Variants in PLEKHG4 observed in about 807,000 individuals in gnomAD.
PLEKHG4 encodes the protein pleckstrin homology and RhoGEF domain containing G4.
PLEKHG4 carries 85 observed loss-of-function variants against 136.9 expected under a neutral mutation model. The observed-to-expected ratio is 0.62, with a 90% confidence interval of 0.52 to 0.74. The LOEUF is 0.74. PLEKHG4 is among the 30% of genes least tolerant of loss of function. The probability of loss-of-function intolerance (pLI) is 0.00; values close to 1 mark genes in which losing one functional copy is unlikely to be tolerated. For missense variants in PLEKHG4, 1,317 were observed against 1,527.8 expected, an observed-to-expected ratio of 0.86 and a Z score of 2.30; for synonymous variants, 577 against 646.9, an observed-to-expected ratio of 0.89 and a Z score of 1.64.
Position 67,286,579 on chromosome 16 carries a change from T to C in PLEKHG4, c.2667T>C (p.Ser889=). 1 of 1,560,778 alleles carries C rather than the reference T, an allele frequency of 6.4e-7. No homozygotes were observed. Among genetic ancestry groups the C allele is most frequent in the Non-Finnish European group, 8.7e-7 (1 of 1,151,734 alleles). The change falls in exon 16 of 22, where the codon AGT becomes AGC. Residue 889 remains serine (S), a synonymous_variant. Transcript: ENST00000379344. The stretch of plus-strand genomic sequence containing the variant: ...GCGGGGGCCCCACGCAGGAGCTCAG[T>C]GCGCTGCGGGAGGCCCAGAGCCTTG... ...RACGGPTQEL[S]ALREAQSLVH... is the part of the protein sequence containing the mutation.
At chr16:67,279,295 G>T (rs1021041768), upstream of PLEKHG4, 6 of 152,144 alleles carry the variant, frequency 3.9e-5, no homozygotes, top group African/African-American at 1.5e-4. Flanking sequence ...CGCGGTCTGC[G>T]GGGCCCGGGG....
rs767930571 is a variant in PLEKHG4, at chr16:67,280,725, G to C, written c.514G>C (p.Gly172Arg). The change falls in exon 3 of 22, where the codon GGC becomes CGC. Residue 172 changes from glycine to arginine, a missense_variant. Transcript: ENST00000379344. This position sits in a 1 kb window ranked among gnomAD's most constrained non-coding sequence, Gnocchi z 4.4. ...KLLEAAPSGS[G>R]LPKPADCLLA... The stretch of plus-strand genomic sequence containing the variant: ...CCCTTCCCAAGCCCCCAGTGGATCC[G>C]GCCTCCCTAAGCCTGCTGACTGCCT... 1.7e-5 allele frequency: 27 copies of C among 1,613,976 alleles called. No individual in the cohort carries two copies. The highest frequency in any genetic ancestry group is 2.1e-5 in the Non-Finnish European group (25 of 1,180,032).
rs139116976 is a variant in PLEKHG4 at position 67,285,165 on chromosome 16, A to C, written c.2145A>C (p.Ala715=). 6.2e-7 allele frequency: 1 copy of C among 1,613,504 alleles called. No individual in the cohort carries two copies. Among genetic ancestry groups the C allele is most frequent in the Admixed American group, 1.7e-5 (1 of 60,028 alleles). The change falls in exon 13 of 22, where the codon GCA becomes GCC. Residue 715 remains alanine (A), a synonymous_variant. Transcript: ENST00000379344. Reference sequence around the variant, plus strand: ...CTGGAGGAGGTGCCCTGCCCCAGGCATCCCCTACTGTGCCTCCACCAGGCA... The same window carrying C: ...CTGGAGGAGGTGCCCTGCCCCAGGCCTCCCCTACTGTGCCTCCACCAGGCA... The part of the protein sequence containing the change: ...PEAGGGALPQ[A]SPTVPPPGSS...
chr16:67,288,649 A>T (rs766866105), intron 21 of PLEKHG4, 45 bp downstream of exon 21: 1 of 1,611,454 alleles, frequency 6.2e-7, no homozygotes, highest in South Asian at 1.1e-5. Context: ...CCCCAGCCCA[A>T]GCTGAGCCTG....
In PLEKHG4 at chr16:67,284,114, A is replaced by G. The variant is rs966823078; in HGVS notation, c.1510-161A>G. On this transcript the variant is annotated intron_variant, in intron 11 of 21. Coordinates refer to ENST00000379344, the MANE Select transcript of PLEKHG4 (RefSeq NM_001129729.3). The surrounding 1 kb of genome is among the most constrained non-coding windows in gnomAD (Gnocchi z 4.4). ...ATTCCTCTAGGAACTTTGGCTGTGG[A>G]GAAGGGGAGTGGATGTGGGTGGGGA... 2.0e-5 allele frequency among the ~76,000 whole-genome samples: 3 copies of G among 152,016 alleles called. No individual in the cohort carries two copies. Among genetic ancestry groups the G allele is most frequent in the Non-Finnish European group, 4.4e-5 (3 of 67,986 alleles).
chr16:67,282,629 C>A lies in PLEKHG4; in HGVS notation c.1380C>A (p.Ser460Arg). Residue 460 changes from serine to arginine, a missense_variant, in exon 10 of 22, where the codon AGC becomes AGA. By Grantham distance (110) the Ser-to-Arg change is moderately radical. Transcript: ENST00000379344. ...ELVQTLEARE[S>R]GLHQIEVWLQ... ...TCCAAACACTGGAGGCCCGGGAAAG[C>A]GGACTGCACCAGGTCGGAACTACTT... The A allele has an allele frequency of 6.2e-7, 1 of 1,613,894 alleles. No individual in the cohort carries two copies. The highest frequency in any genetic ancestry group is 1.1e-5 in the South Asian group (1 of 91,090).
At chr16:67,281,680 T>C in intron 6 of PLEKHG4, 36 bp downstream of exon 6, 2 of 1,609,916 alleles carry the variant, frequency 1.2e-6, no homozygotes, top group South Asian at 1.1e-5. Context: ...AGAGGTGGGG[T>C]GCCTCCCCCC....
At position 67,288,880 on chromosome 16, in the gene PLEKHG4, T is replaced by C; in HGVS notation, c.*72T>C. On this transcript the variant is annotated 3_prime_UTR_variant, in exon 22 of 22. Transcript: ENST00000379344. ...GAACATTGCCTCTCTGGATCTGCTG[T>C]GACCAGGGTGTGGCTGACACCTGGG... The C allele has an allele frequency of 6.4e-7, 1 of 1,558,706 alleles. No individual in the cohort carries two copies. The highest frequency in any genetic ancestry group is 8.8e-7 in the Non-Finnish European group (1 of 1,138,154).
At position 67,280,985 on chromosome 16, in the gene PLEKHG4, G is replaced by A. The variant is rs1440694910; in HGVS notation, c.699G>A (p.Leu233=). ...GCCAGGAACTCATCCGCCTCCTGCT[G>A]TACCTGCGAAGCATCCCCAGGTTTG... ...CSSQELIRLL[L]YLRSIPRPEV... The change falls in exon 4 of 22, where the codon CTG becomes CTA. Residue 233 remains leucine, a synonymous_variant. Transcript: ENST00000379344. The surrounding 1 kb of genome is among the most constrained non-coding windows in gnomAD (Gnocchi z 4.4). 7.4e-6 allele frequency: 12 copies of A among 1,613,840 alleles called. No homozygotes were observed. Among genetic ancestry groups the A allele is most frequent in the Non-Finnish European group, 1.0e-5 (12 of 1,179,924 alleles).
In PLEKHG4 at chr16:67,288,835, C is replaced by G; in HGVS notation, c.*27C>G. On this transcript the variant is annotated 3_prime_UTR_variant, in exon 22 of 22. Transcript: ENST00000379344. The stretch of plus-strand genomic sequence containing the variant: ...CCCGGGACTGGACGAGCAGTAGATC[C>G]AGCAGCCTGCAGCTCCAAGGAACAT... 3.1e-6 allele frequency: 5 copies of G among 1,612,238 alleles called. No individual in the cohort carries two copies. The highest frequency in any genetic ancestry group is 4.2e-6 in the Non-Finnish European group (5 of 1,179,132).
rs759483618 is a variant in PLEKHG4 at position 67,285,043 on chromosome 16, G to C, written c.2023G>C (p.Ala675Pro). 6.2e-7 allele frequency: 1 copy of C among 1,613,634 alleles called. No homozygotes were observed. The highest frequency in any genetic ancestry group is 8.5e-7 in the Non-Finnish European group (1 of 1,180,016). ...AAPAHPPLRK[A>P]YSFDRNLGQS... Reference sequence around the variant, plus strand: ...ACCTGCCCACCCTCCCCTGAGGAAGGCCTACAGCTTCGATCGGAATCTGGG... The same window carrying C: ...ACCTGCCCACCCTCCCCTGAGGAAGCCCTACAGCTTCGATCGGAATCTGGG... Residue 675 changes from alanine (A) to proline (P), a missense_variant, in exon 13 of 22, where the codon GCC (alanine) becomes CCC (proline). Coordinates refer to ENST00000379344, the MANE Select transcript of PLEKHG4 (RefSeq NM_001129729.3).
chr16:67,281,534 T>C (rs200440575), intron 5 of PLEKHG4, 33 bp from the exon 6 acceptor site: 60 of 1,575,848 alleles, frequency 3.8e-5, no homozygotes, highest in Non-Finnish European at 5.0e-5. Flanking sequence ...TTCTGTAGAG[T>C]TGGGGATAGT....
chr16:67,284,663 C>G lies in PLEKHG4; in HGVS notation c.1693-50C>G, dbSNP rs1331041109. ...GTGGGTAGAGGAGCAGAGTGCCCAG[C>G]AGGCTTGGCAGGATCTTCCTCTAAT... is the stretch of plus-strand genomic sequence containing the variant. On this transcript the variant is annotated intron_variant, in intron 12 of 21. Transcript: ENST00000379344. This position sits in a 1 kb window ranked among gnomAD's most constrained non-coding sequence, Gnocchi z 4.4. 1 of 1,603,746 alleles carries G rather than the reference C, an allele frequency of 6.2e-7. No individual in the cohort carries two copies. The highest frequency in any genetic ancestry group is 8.5e-7 in the Non-Finnish European group (1 of 1,175,890).
Position 67,285,504 on chromosome 16 carries a change from C to G in PLEKHG4, c.2410C>G (p.Pro804Ala). ...TGAGCTGGAGGCTTGCACCCGGCAC[C>G]CACCACGAGTGGCCTATGCCTTCCT... Reference protein sequence around the residue: ...LRELEACTRHPPRVAYAFLRH... With the variant: ...LRELEACTRHAPRVAYAFLRH... Residue 804 changes from proline (P) to alanine (A), a missense_variant, in exon 14 of 22, where the codon CCA (proline) becomes GCA (alanine). By Grantham distance (27) the Pro-to-Ala change is conservative. Transcript: ENST00000379344. 2 of 1,611,994 alleles carry G rather than the reference C, an allele frequency of 1.2e-6. No individual in the cohort carries two copies. The highest frequency in any genetic ancestry group is 4.5e-5 in the East Asian group (2 of 44,886).
intron 18 of PLEKHG4, 33 bp downstream of exon 18, chr16:67,287,210 C>G: frequency 1.3e-6 from 2 of 1,595,498 alleles, no homozygotes; most frequent in Non-Finnish European, 1.7e-6. Context: ...CGCCACACTC[C>G]CCTCACTGGA....
chr16:67,286,416 C>T lies in PLEKHG4; in HGVS notation c.2533-29C>T, dbSNP rs776761402. 35 of 1,609,088 alleles carry T rather than the reference C, an allele frequency of 2.2e-5. No homozygotes were observed. The Admixed American group carries it at 5.8e-4, about 27-fold the overall frequency. On this transcript the variant is annotated intron_variant, in intron 15 of 21. Coordinates refer to ENST00000379344, the MANE Select transcript of PLEKHG4 (RefSeq NM_001129729.3). ...AGGGGATGCGGGGAGTGCCCCCAAA[C>T]CACTCAGTGGCCTCCCATCCGCCCA...
Position 67,286,626 on chromosome 16 carries a change from G to A in PLEKHG4, c.2714G>A (p.Gly905Glu), listed in dbSNP as rs1422098088. Residue 905 changes from glycine to glutamate, a missense_variant, in exon 16 of 22, where the codon GGA (glycine) becomes GAA (glutamate). By Grantham distance (98) the Gly-to-Glu change is moderately conservative. Transcript: ENST00000379344. ...CTTGTGCACTTCCAGCTGCGGCACGGAAACGACCTGCTGGCCATGGACGCC... is the reference window on the plus strand; with the variant it reads ...CTTGTGCACTTCCAGCTGCGGCACGAAAACGACCTGCTGGCCATGGACGCC... The part of the protein sequence containing the change: ...QSLVHFQLRH[G>E]NDLLAMDAIQ... 1 of 1,564,860 alleles carries A rather than the reference G, an allele frequency of 6.4e-7. No homozygotes were observed.
rs764303834 is a variant in PLEKHG4, at chr16:67,282,282, CA to C, written c.1187del (p.Gln396ArgfsTer6). 11 of 1,613,170 alleles carry C rather than the reference CA, an allele frequency of 6.8e-6. No individual in the cohort carries two copies. In the Admixed American group the frequency reaches 1.5e-4, roughly 22 times the overall value. On this transcript the variant is annotated frameshift_variant, in exon 9 of 22. Transcript: ENST00000379344. LOFTEE classifies it high-confidence loss of function. The stretch of plus-strand genomic sequence containing the variant: ...GCCATGGCTGGCATGGCTACAATGC[CA>C]GGGGGGCCGGGAGCTGACATGGCTG... ...DSPWLAWLQC[Q>X]GGRELTWLKQ... is the part of the protein sequence containing the mutation.
chr16:67,289,417 T>C lies in PLEKHG4; in HGVS notation c.*609T>C. On this transcript the variant is annotated 3_prime_UTR_variant, in exon 22 of 22. Coordinates refer to ENST00000379344, the MANE Select transcript of PLEKHG4 (RefSeq NM_001129729.3). Reference sequence around the variant, plus strand: ...GGCCTTTGGTGTCTCAGAGAAGGAGTCTAGGTCTTTGATGTGTGATTTAAT... The same window carrying C: ...GGCCTTTGGTGTCTCAGAGAAGGAGCCTAGGTCTTTGATGTGTGATTTAAT... 1.9e-6 allele frequency: 1 copy of C among 528,808 alleles called. No homozygotes were observed. Among genetic ancestry groups the C allele is most frequent in the Non-Finnish European group, 3.4e-6 (1 of 295,400 alleles). 32.8% of individuals were successfully genotyped at this position (528,808 alleles called of 1,614,324 possible).
Sources: gnomAD v4.1 joint callset for allele counts (sites outside exome capture counted in the v4.1 genomes callset) on GRCh38, gnomAD v4.1.1 for gene constraint, Gnocchi (gnomAD v3.1) non-coding constraint, MANE v1.5 for transcripts, NCBI Gene and HGNC (gene_info 2026-07-23, HGNC 2026-07-21) for gene names.